The following RNF150 variants were observed in gnomAD, a reference collection of about 807,000 sequenced individuals.
RNF150 encodes ring finger protein 150.
Under a neutral mutation model 39.3 loss-of-function variants are expected in RNF150, and 24 were observed. The observed-to-expected ratio is 0.61, with a 90% confidence interval of 0.44 to 0.86. RNF150 has a LOEUF of 0.86. Ranked by LOEUF, RNF150 falls within the 40% of genes least tolerant of loss-of-function variation. RNF150 has a pLI of 0.00. For missense variants in RNF150, 502 were observed against 587.8 expected, an observed-to-expected ratio of 0.85 and a Z score of 1.51; for synonymous variants, 255 against 227.3, an observed-to-expected ratio of 1.12 and a Z score of -1.10.
At chr4:140,954,561 G>A (rs1178819747) in intron 2 of RNF150, among the ~76,000 whole-genome samples, 3 of 152,024 alleles carry the variant, frequency 2.0e-5, no homozygotes, top group African/African-American at 7.3e-5. Context: ...TAATAATTAG[G>A]TTTATCCATC....
intron 1 of RNF150, among the ~76,000 whole-genome samples, chr4:141,068,657 C>T (rs1737559062): frequency 2.0e-5 from 3 of 150,976 alleles, no homozygotes; most frequent in African/African-American, 7.3e-5. Flanking sequence ...GGCAGTATGG[C>T]CATTTTCACG....
At chr4:140,977,412 GA>G (rs1239228399) in intron 1 of RNF150, among the ~76,000 whole-genome samples, 6 of 152,168 alleles carry the variant, frequency 3.9e-5, no homozygotes, top group African/African-American at 1.2e-4. Flanking sequence ...GTGGTTGTGA[GA>G]GTCACTTTCA....
At chr4:140,946,615 T>A (rs1355543006) in intron 4 of RNF150, among the ~76,000 whole-genome samples, 2 of 152,140 alleles carry the variant, frequency 1.3e-5, no homozygotes, top group African/African-American at 4.8e-5. Context: ...TCCTCCTGAG[T>A]AGCCAGGATT....
chr4:141,175,016 T>C (rs1302290743), intron 1 of RNF150, among the ~76,000 whole-genome samples: 1 of 152,210 alleles, frequency 6.6e-6, no homozygotes, highest in Non-Finnish European at 1.5e-5. Flanking sequence ...TGCTAAGATT[T>C]TTCTGTTAGA....
rs1468481731 is a variant in RNF150, at chr4:141,132,673, T to C, written c.136A>G (p.Ile46Val). 1.2e-5 allele frequency: 19 copies of C among 1,606,920 alleles called. No individual in the cohort carries two copies. Among genetic ancestry groups the C allele is most frequent in the Admixed American group, 1.7e-5 (1 of 59,536 alleles). The stretch of plus-strand genomic sequence containing the variant: ...TCCGGCGCGGGCTCGGCGTAGGTGA[T>C]GTTCACGAAGGCGGTGTACCATTCC... ...KEEWYTAFVN[I>V]TYAEPAPDPG... The change falls in exon 1 of 7, where the codon ATC becomes GTC. Residue 46 changes from isoleucine (I) to valine (V), a missense_variant. Ile to Val is a conservative substitution (Grantham distance 29). Transcript: ENST00000515673. This position sits in a 1 kb window ranked among gnomAD's most constrained non-coding sequence, Gnocchi z 4.9.
rs56398522 is a variant in RNF150, at chr4:141,105,852, A to G, written c.484+26473T>C. On this transcript the variant is annotated intron_variant, in intron 1 of 6. Transcript: ENST00000515673. Reference sequence around the variant, plus strand: ...ACTCCATAAAACCAATGTTTCCTATACACACTCTTCAGTGCAGCTAGCACA... The same window carrying G: ...ACTCCATAAAACCAATGTTTCCTATGCACACTCTTCAGTGCAGCTAGCACA... 6.1e-3 allele frequency among the ~76,000 whole-genome samples: 922 copies of G among 152,318 alleles called. 6 individuals carry two copies. Among genetic ancestry groups the G allele is most frequent in the Non-Finnish European group, 0.01 (710 of 68,034 alleles).
At position 140,957,816 on chromosome 4, in the gene RNF150, C is replaced by T. The variant is rs529852660; in HGVS notation, c.736-8444G>A. On this transcript the variant is annotated intron_variant, in intron 2 of 6. Transcript: ENST00000515673. Reference sequence around the variant, plus strand: ...ATCACAAGAACAAAAAACCAAACACCGCATATTCTCTCTCATAGGTGGGAA... The same window carrying T: ...ATCACAAGAACAAAAAACCAAACACTGCATATTCTCTCTCATAGGTGGGAA... Among the ~76,000 whole-genome samples the T allele has an allele frequency of 8.5e-4, 128 of 150,246 alleles. 2 individuals are homozygous for T. In the South Asian group the frequency reaches 0.015, roughly 18 times the overall value.
chr4:140,982,913 G>A (rs116596456), intron 1 of RNF150, among the ~76,000 whole-genome samples: 2,403 of 152,170 alleles, frequency 0.016, 42 homozygotes, highest in Non-Finnish European at 0.026. Flanking sequence ...TTAAAACTGC[G>A]ATGTTTCATA....
At chr4:141,146,818 G>T (rs1457640491) in intron 1 of RNF150, among the ~76,000 whole-genome samples, 1 of 152,150 alleles carries the variant, frequency 6.6e-6, no homozygotes, top group African/African-American at 2.4e-5. Context: ...TATACAATCT[G>T]CTGGAGGTTT....
At chr4:140,952,143 TG>T (rs1363347674) in intron 2 of RNF150, among the ~76,000 whole-genome samples, 3 of 152,018 alleles carry the variant, frequency 2.0e-5, no homozygotes, top group Non-Finnish European at 4.4e-5. Flanking sequence ...CCCAAGTAGC[TG>T]GGATTACAGG....
At chr4:141,186,608 T>G (rs577066940) in intron 1 of RNF150, among the ~76,000 whole-genome samples, 1 of 151,974 alleles carries the variant, frequency 6.6e-6, no homozygotes, top group African/African-American at 2.4e-5. Flanking sequence ...GGTTTCACCA[T>G]GTTAGCCAGG....
At chr4:141,204,855 A>G (rs142101476) in intron 1 of RNF150, among the ~76,000 whole-genome samples, 1,636 of 152,326 alleles carry the variant, frequency 0.011, 46 homozygotes, top group African/African-American at 0.037. Context: ...TTATCTCAGC[A>G]TAACTGCAAT....
chr4:141,127,235 T>C (rs1273142763), intron 1 of RNF150, among the ~76,000 whole-genome samples: 1 of 152,196 alleles, frequency 6.6e-6, no homozygotes, highest in African/African-American at 2.4e-5. Flanking sequence ...TAAGGGTACC[T>C]ATTTCACAGT....
intron 6 of RNF150, among the ~76,000 whole-genome samples, chr4:140,889,682 T>C (rs1327175286): frequency 6.6e-6 from 1 of 152,206 alleles, no homozygotes; most frequent in Non-Finnish European, 1.5e-5. Flanking sequence ...TGCTTAATGA[T>C]ATTTAGGTCT....
At chr4:141,135,469 AG>A (rs1306280086), upstream of RNF150, among the ~76,000 whole-genome samples, 2 of 152,260 alleles carry the variant, frequency 1.3e-5, no homozygotes, top group East Asian at 3.8e-4. Context: ...CCAGCTGGAA[AG>A]GGCTCCCACT....
chr4:140,978,650 T>A (rs574723498), intron 1 of RNF150, among the ~76,000 whole-genome samples: 1 of 152,242 alleles, frequency 6.6e-6, no homozygotes, highest in African/African-American at 2.4e-5. Context: ...TATTACATTA[T>A]TGAGTGATGA....
chr4:141,002,740 A>AG (rs1357950407), intron 1 of RNF150, among the ~76,000 whole-genome samples: 1 of 152,152 alleles, frequency 6.6e-6, no homozygotes, highest in Non-Finnish European at 1.5e-5. Context: ...GACGAGCTGC[A>AG]GGGGGAAGCC....
chr4:141,083,340 T>C (rs1347965765), intron 1 of RNF150, among the ~76,000 whole-genome samples: 1 of 152,230 alleles, frequency 6.6e-6, no homozygotes, highest in Non-Finnish European at 1.5e-5. Context: ...AAAAAATAAT[T>C]TGAATGACTC....
chr4:141,009,530 C>T (rs28437790), intron 1 of RNF150, among the ~76,000 whole-genome samples: 3,143 of 152,292 alleles, frequency 0.021, 120 homozygotes, highest in African/African-American at 0.071. Context: ...TTACCTATCT[C>T]ATAAGGTTAC....
Sources: allele counts gnomAD v4.1 joint callset (sites outside exome capture counted in the v4.1 genomes callset), GRCh38; gene constraint gnomAD v4.1.1; non-coding constraint Gnocchi (gnomAD v3.1); transcripts MANE v1.5; gene names NCBI Gene and HGNC (gene_info 2026-07-23, HGNC 2026-07-21).